The following ZNF536 variants were observed in gnomAD, a reference collection of about 807,000 sequenced individuals.
ZNF536 encodes zinc finger protein 536.
In ZNF536, 13 loss-of-function variants were observed where a neutral mutation model predicts 84.5. That is an observed-to-expected ratio of 0.15 (90% CI 0.10 to 0.24). The LOEUF is 0.24. ZNF536 is among the 10% of genes least tolerant of loss of function. The pLI, the probability that ZNF536 is intolerant of heterozygous loss-of-function variation, is 1.00. For missense variants in ZNF536, 1,536 were observed against 1,747.5 expected, an observed-to-expected ratio of 0.88 and a Z score of 2.16; for synonymous variants, 811 against 742.5, an observed-to-expected ratio of 1.09 and a Z score of -1.50.
At chr19:30,674,169 C>T (rs190436178) in intron 1 of ZNF536, among the ~76,000 whole-genome samples, 11 of 152,222 alleles carry the variant, frequency 7.2e-5, no homozygotes, top group East Asian at 3.9e-4. Context: ...AGCAGGTTGG[C>T]GGGGTGACAG....
chr19:30,515,892 T>G lies in ZNF536; in HGVS notation c.2171-18955T>G, dbSNP rs531263161. 4.6e-5 allele frequency among the ~76,000 whole-genome samples: 7 copies of G among 150,624 alleles called. 1 individual carries two copies. The highest frequency in any genetic ancestry group is 1.5e-4 in the African/African-American group (6 of 41,054). ...AAATGCAAAAATTAGCAGGGCGTGG[T>G]GGGAGGTGCCTGTATTCCCAGCTAC... On this transcript the variant is annotated intron_variant, in intron 2 of 4. Transcript: ENST00000355537.
At chr19:30,357,530 C>CTCCT (rs2048136416) in intron 3 of ZNF536, among the ~76,000 whole-genome samples, 1 of 151,962 alleles carries the variant, frequency 6.6e-6, no homozygotes, top group African/African-American at 2.4e-5. Flanking sequence ...TCCTAGGTGC[C>CTCCT]AGGAATGAGT....
intron 2 of ZNF536, among the ~76,000 whole-genome samples, chr19:30,297,236 C>A (rs543234175): frequency 6.6e-6 from 1 of 152,080 alleles, no homozygotes; most frequent in Middle Eastern, 3.4e-3. Context: ...GTGATCAGTA[C>A]CAGGCACCTT....
intron 1 of ZNF536, among the ~76,000 whole-genome samples, chr19:30,282,293 G>A (rs1001152550): frequency 2.6e-5 from 4 of 152,226 alleles, no homozygotes; most frequent in African/African-American, 7.2e-5. Context: ...CCTTGCATAA[G>A]CCCACTAATC....
At chr19:30,397,279 G>A (rs1220165552) in intron 1 of ZNF536, among the ~76,000 whole-genome samples, 1 of 152,190 alleles carries the variant, frequency 6.6e-6, no homozygotes, top group Non-Finnish European at 1.5e-5. Flanking sequence ...CTGGCATGAG[G>A]ACTCTCCACC....
upstream of ZNF536, among the ~76,000 whole-genome samples, chr19:30,225,716 TGCGGGGGGCGCGGC>T (rs2022577027): frequency 3.0e-5 from 1 of 33,760 alleles, no homozygotes; most frequent in African/African-American, 1.3e-4. Flanking sequence ...CGCGGCGCGG[TGCGGGGGGCGCGGC>T]GCGGGGGGGC....
intron 4 of ZNF536, among the ~76,000 whole-genome samples, chr19:30,549,782 A>G (rs1207743435): frequency 3.3e-5 from 5 of 152,210 alleles, no homozygotes; most frequent in African/African-American, 4.8e-5. Context: ...GTCGCTCACC[A>G]TGTGAACTAC....
chr19:30,288,341 C>A (rs1427745610), intron 2 of ZNF536, among the ~76,000 whole-genome samples: 1 of 152,158 alleles, frequency 6.6e-6, no homozygotes, highest in African/African-American at 2.4e-5. Flanking sequence ...ATGACTTGGT[C>A]TCTGTGGGAC....
chr19:30,518,757 G>T (rs529997816), intron 2 of ZNF536, among the ~76,000 whole-genome samples: 2 of 152,302 alleles, frequency 1.3e-5, no homozygotes, highest in Admixed American at 6.5e-5. Flanking sequence ...CTAGCTAAAG[G>T]TTGGGGGTGC....
chr19:30,361,973 A>G (rs2048288600), intron 3 of ZNF536, among the ~76,000 whole-genome samples: 1 of 152,174 alleles, frequency 6.6e-6, no homozygotes, highest in African/African-American at 2.4e-5. Context: ...GCAAATAGAC[A>G]CCACCAACTA....
At chr19:30,275,839 G>C (rs111246572) in intron 1 of ZNF536, among the ~76,000 whole-genome samples, 1 of 110,748 alleles carries the variant, frequency 9.0e-6, no homozygotes, top group Non-Finnish European at 1.9e-5. Flanking sequence ...GTGTGTGTGT[G>C]AGTGTGTGTG....
At chr19:30,537,819 A>C (rs1485746787) in intron 3 of ZNF536, among the ~76,000 whole-genome samples, 2 of 152,210 alleles carry the variant, frequency 1.3e-5, no homozygotes, top group East Asian at 3.8e-4. Flanking sequence ...AACTTCCTAG[A>C]ATCAGAGAGA....
intron 2 of ZNF536, among the ~76,000 whole-genome samples, chr19:30,333,730 C>A (rs1372565949): frequency 3.3e-5 from 5 of 152,178 alleles, no homozygotes; most frequent in Non-Finnish European, 5.9e-5. Context: ...AACACCCGTG[C>A]ACCAGCCGGA....
chr19:30,243,161 A>G (rs2024052560), intron 1 of ZNF536, among the ~76,000 whole-genome samples: 1 of 152,324 alleles, frequency 6.6e-6, no homozygotes, highest in Admixed American at 6.5e-5. Context: ...TTAAGACACT[A>G]TAAAAAACAA....
chr19:30,432,459 G>C (rs1180559176), intron 1 of ZNF536, among the ~76,000 whole-genome samples: 1 of 152,120 alleles, frequency 6.6e-6, no homozygotes, highest in African/African-American at 2.4e-5. Context: ...CCTGGAGCAC[G>C]TGAAGCCAGG....
intron 1 of ZNF536, among the ~76,000 whole-genome samples, chr19:30,683,117 G>T (rs1319291613): frequency 6.6e-6 from 1 of 152,078 alleles, no homozygotes; most frequent in African/African-American, 2.4e-5. Flanking sequence ...AGTGACTCAC[G>T]CGCCGTGCCT....
intron 2 of ZNF536, among the ~76,000 whole-genome samples, chr19:30,326,195 T>A (rs2047017573): frequency 1.3e-5 from 2 of 152,162 alleles, no homozygotes; most frequent in South Asian, 4.1e-4. Context: ...TGAAGAGGCT[T>A]GGCAAAGAGG....
intron 1 of ZNF536, among the ~76,000 whole-genome samples, chr19:30,608,736 C>A (rs1195256350): frequency 6.6e-6 from 1 of 152,198 alleles, no homozygotes; most frequent in Non-Finnish European, 1.5e-5. Flanking sequence ...GGGCCCAGCA[C>A]TGATCATCAG....
chr19:30,655,863 A>G (rs1568641790), intron 1 of ZNF536, among the ~76,000 whole-genome samples: 1 of 151,870 alleles, frequency 6.6e-6, no homozygotes, highest in Non-Finnish European at 1.5e-5. Context: ...ACATAATGGG[A>G]CCCTGTCTCT....
Sources: allele counts gnomAD v4.1 joint callset (sites outside exome capture counted in the v4.1 genomes callset), GRCh38; gene constraint gnomAD v4.1.1; transcripts MANE v1.5; gene names NCBI Gene and HGNC (gene_info 2026-07-23, HGNC 2026-07-21).